The following PAK3 variants were observed in gnomAD, a reference collection of about 807,000 sequenced individuals.
The protein encoded by PAK3 is p21 (RAC1) activated kinase 3.
A neutral mutation model predicts 41.0 loss-of-function variants in PAK3; 4 were observed. That is an observed-to-expected ratio of 0.10 (90% confidence interval 0.05 to 0.22). The LOEUF (loss-of-function observed/expected upper bound fraction) is 0.22, where lower values mean the gene tolerates loss of function less well. Among genes scored for constraint, PAK3 ranks in the 10% least tolerant of loss-of-function variants. PAK3 has a pLI of 1.00. For synonymous variants in PAK3, 146 were observed against 139.6 expected, an observed-to-expected ratio of 1.05 and a Z score of -0.32; for missense variants, 205 against 409.9, an observed-to-expected ratio of 0.50 and a Z score of 4.32.
At chrX:111,072,961 T>A (rs190818339) in intron 1 of PAK3, among the ~76,000 whole-genome samples, 1 of 111,958 alleles carries the variant, frequency 8.9e-6, no homozygotes. Context: ...CCCTTCTATG[T>A]AGACCCATTG....
intron 5 of PAK3, among the ~76,000 whole-genome samples, chrX:111,126,824 T>C (rs1297109401): frequency 2.7e-5 from 3 of 111,625 alleles, no homozygotes; most frequent in Non-Finnish European, 5.7e-5. Context: ...CTTCCTCCCA[T>C]TTTTATGTCA....
Position 111,226,707 on chromosome X carries a change from G to A in PAK3, c.*6260G>A, listed in dbSNP as rs909936345. 1 of 112,287 alleles carries A rather than the reference G, an allele frequency of 8.9e-6. No homozygotes were observed. The highest frequency in any genetic ancestry group is 3.2e-5 in the African/African-American group (1 of 30,856). The allele number at this position is 112,287 out of a possible 1,213,427, so 9.3% of individuals were successfully genotyped here. A position where few individuals can be genotyped will look rare whatever the true frequency, so the allele number is the denominator to read the frequency against. ...TACACTGCTGGAAAGAGGGTAAACT[G>A]GGAGTTAGTGGATGGTCCCAATGCC... is the stretch of plus-strand genomic sequence containing the variant. On this transcript the variant is annotated 3_prime_UTR_variant, in exon 18 of 18. Coordinates refer to ENST00000372007, the MANE Select transcript of PAK3 (RefSeq NM_002578.5).
At chrX:111,126,322 T>TA (rs2093647743) in intron 5 of PAK3, among the ~76,000 whole-genome samples, 1 of 111,808 alleles carries the variant, frequency 8.9e-6, no homozygotes, top group African/African-American at 3.3e-5. Context: ...TTTCAACAGT[T>TA]TACTTGAGAC....
At chrX:111,009,448 C>T (rs941253980) in intron 1 of PAK3, among the ~76,000 whole-genome samples, 1 of 109,308 alleles carries the variant, frequency 9.1e-6, no homozygotes, top group African/African-American at 3.3e-5. Context: ...CTTGGCACAC[C>T]TGAAAGCAGG....
chrX:111,009,004 CT>C, intron 1 of PAK3, among the ~76,000 whole-genome samples: 1 of 110,309 alleles, frequency 9.1e-6, no homozygotes, highest in African/African-American at 3.3e-5. Flanking sequence ...AACCATGGTA[CT>C]GAGAGCCCCT....
At chrX:111,159,085 G>C (rs1369171876) in intron 8 of PAK3, among the ~76,000 whole-genome samples, 2 of 111,222 alleles carry the variant, frequency 1.8e-5, no homozygotes, top group Non-Finnish European at 3.8e-5. Flanking sequence ...TATTTTTGCT[G>C]TAAATTTTTG....
At chrX:111,080,718 C>T (rs2092827536) in intron 1 of PAK3, among the ~76,000 whole-genome samples, 1 of 111,790 alleles carries the variant, frequency 8.9e-6, no homozygotes, top group Non-Finnish European at 1.9e-5. Flanking sequence ...TATGATCCAA[C>T]CATCCCAGTA....
intron 1 of PAK3, among the ~76,000 whole-genome samples, chrX:111,022,988 C>T (rs1335306759): frequency 9.1e-6 from 1 of 110,454 alleles, no homozygotes; most frequent in Non-Finnish European, 1.9e-5. Context: ...GTTTACTGCA[C>T]CCATCAACTC....
At chrX:111,100,612 C>T (rs764839779) in intron 3 of PAK3, among the ~76,000 whole-genome samples, 1 of 111,644 alleles carries the variant, frequency 9.0e-6, no homozygotes, top group African/African-American at 3.3e-5. Flanking sequence ...AGCGTTGTTT[C>T]CTTTGGGCCT....
chrX:111,174,608 A>G (rs1008179052), intron 11 of PAK3, among the ~76,000 whole-genome samples: 1 of 112,277 alleles, frequency 8.9e-6, no homozygotes, highest in South Asian at 3.7e-4. Flanking sequence ...GAGATGTTCT[A>G]TATCTGTGCT....
chrX:111,006,849 C>CTTTCTTTCTTTCTTTCTTTCTTTTTT (rs1556434441), intron 1 of PAK3, among the ~76,000 whole-genome samples: 1 of 42,726 alleles, frequency 2.3e-5, no homozygotes, highest in Non-Finnish European at 4.4e-5. Context: ...TTCTTTCTTT[C>CTTTCTTTCTTTCTTTCTTTCTTTTTT]TTTTTTTTTT....
chrX:111,108,963 A>T (rs1031412374), intron 4 of PAK3, among the ~76,000 whole-genome samples: 3 of 112,067 alleles, frequency 2.7e-5, no homozygotes, highest in Non-Finnish European at 5.6e-5. Flanking sequence ...CCATTCTTCC[A>T]TTTCAATAGA....
chrX:111,187,064 G>T (rs932679816), intron 11 of PAK3, among the ~76,000 whole-genome samples: 1 of 111,484 alleles, frequency 9.0e-6, no homozygotes, highest in African/African-American at 3.3e-5. Context: ...TAATTTTGAT[G>T]ATTGAACTGT....
In PAK3 at chrX:110,992,129, G is replaced by A. The variant is rs189099122; in HGVS notation, c.-28+47501G>A. Reference sequence around the variant, plus strand: ...GGTCAGGGTAGGCCTCACCAAGAAGGTAATCTTTTGAATCCAGCCCTAAAG... The same window carrying A: ...GGTCAGGGTAGGCCTCACCAAGAAGATAATCTTTTGAATCCAGCCCTAAAG... On this transcript the variant is annotated intron_variant, in intron 1 of 14. Transcript: ENST00000425146. Among the ~76,000 whole-genome samples, 3 of 110,904 alleles carry A rather than the reference G, an allele frequency of 2.7e-5. No homozygotes were observed. The Admixed American group carries it at 2.9e-4, about 11-fold the overall frequency.
At chrX:110,974,087 G>C (rs918963020) in intron 1 of PAK3, among the ~76,000 whole-genome samples, 2 of 110,776 alleles carry the variant, frequency 1.8e-5, no homozygotes, top group East Asian at 2.8e-4. Flanking sequence ...TCCTACAAAG[G>C]GACTTAGACT....
chrX:111,010,692 T>C (rs866560791), intron 1 of PAK3, among the ~76,000 whole-genome samples: 62 of 111,711 alleles, frequency 5.6e-4, no homozygotes, highest in African/African-American at 2.0e-3. Context: ...TCTACCATGA[T>C]TGTAAGTTTC....
chrX:111,217,577 C>G (rs2094892670), intron 17 of PAK3: 1 of 954,668 alleles, frequency 1.0e-6, no homozygotes, highest in African/African-American at 2.0e-5. Flanking sequence ...CAGGCAAAAA[C>G]TATCCCACCC....
chrX:111,024,239 T>C (rs1333889587), intron 1 of PAK3, among the ~76,000 whole-genome samples: 1 of 111,768 alleles, frequency 8.9e-6, no homozygotes, highest in Non-Finnish European at 1.9e-5. Context: ...CTCTGTTCTG[T>C]TCCATTTGTC....
At chrX:111,138,609 G>A (rs187239831) in intron 5 of PAK3, among the ~76,000 whole-genome samples, 1 of 110,927 alleles carries the variant, frequency 9.0e-6, no homozygotes, top group Non-Finnish European at 1.9e-5. Flanking sequence ...TTGGGGGAGA[G>A]GGTAAGAAGT....
Sources: gnomAD v4.1 joint callset for allele counts (sites outside exome capture counted in the v4.1 genomes callset) on GRCh38, gnomAD v4.1.1 for gene constraint, MANE v1.5 for transcripts, NCBI Gene and HGNC (gene_info 2026-07-23, HGNC 2026-07-21) for gene names.